FMN1: variants seen among roughly 807,000 people sequenced by gnomAD.
FMN1 encodes formin-1.
A neutral mutation model predicts 132.4 loss-of-function variants in FMN1; 110 were observed. That is an observed-to-expected ratio of 0.83 (90% CI 0.71 to 0.97). FMN1 has a LOEUF of 0.97. Among genes scored for constraint, FMN1 ranks in the 50% least tolerant of loss-of-function variants. The probability of loss-of-function intolerance (pLI) is 0.00; values close to 1 mark genes in which losing one functional copy is unlikely to be tolerated. For missense variants in FMN1, 1,792 were observed against 1,705.3 expected (o/e 1.05, Z -0.90); for synonymous variants, 722 against 651.7 (o/e 1.11, Z -1.64).
In FMN1 at chr15:33,154,548, A is replaced by G; in HGVS notation, c.367T>C (p.Ser123Pro). The stretch of plus-strand genomic sequence containing the variant: ...TCATCCTCGGGGGCCAGGCTCACGG[A>G]CAGCTCTTGCAGCTTCCCCTCCTGG... ...GNQEGKLQEL[S>P]VSLAPEDDCF... The change falls in exon 4 of 21, where the codon TCC (serine) becomes CCC (proline). Residue 123 changes from serine (S) to proline (P), a missense_variant. Around this residue, in one of 3 missense-constraint regions of FMN1, gnomAD observed 638 missense variants for 645.2 expected, o/e 0.99. Transcript: ENST00000616417. 1 of 1,536,076 alleles carries G rather than the reference A, an allele frequency of 6.5e-7. No individual in the cohort carries two copies. Among genetic ancestry groups the G allele is most frequent in the Non-Finnish European group, 8.7e-7 (1 of 1,146,912 alleles).
chr15:33,045,879 C>A (rs1372560280), intron 6 of FMN1, among the ~76,000 whole-genome samples: 4 of 152,122 alleles, frequency 2.6e-5, no homozygotes, highest in African/African-American at 9.7e-5. Context: ...GCCAATATTT[C>A]AAATAAAAAC....
At chr15:33,058,805 T>C (rs1032059240) in intron 6 of FMN1, among the ~76,000 whole-genome samples, 6 of 152,232 alleles carry the variant, frequency 3.9e-5, no homozygotes, top group African/African-American at 1.4e-4. Context: ...ACGGGGTAGA[T>C]GATGCGGTGT....
chr15:33,112,645 C>T (rs1346528510), intron 4 of FMN1, among the ~76,000 whole-genome samples: 1 of 152,038 alleles, frequency 6.6e-6, no homozygotes, highest in Non-Finnish European at 1.5e-5. Flanking sequence ...CATCAACTGA[C>T]TGGCCTATAT....
chr15:33,153,293 G>T lies in FMN1; in HGVS notation c.1622C>A (p.Pro541His). The T allele has an allele frequency of 6.5e-7, 1 of 1,536,220 alleles. No individual in the cohort carries two copies. Among genetic ancestry groups the T allele is most frequent in the Non-Finnish European group, 8.7e-7 (1 of 1,146,920 alleles). The change falls in exon 4 of 21, where the codon CCT becomes CAT. Residue 541 changes from proline (P) to histidine (H), a missense_variant. Physicochemically the swap from Pro to His is moderately conservative, Grantham distance 77 (BLOSUM62 -2). Transcript: ENST00000616417. ...AGCTTCCCTCTCACCAGGCAATGCA[G>T]GGAGCCGGAGGATCCTGTGATGCTG... ...PQQHHRILRL[P>H]ALPGEREAAL...
chr15:33,126,053 G>A (rs1295749722), intron 4 of FMN1, among the ~76,000 whole-genome samples: 2 of 152,268 alleles, frequency 1.3e-5, no homozygotes, highest in African/African-American at 4.8e-5. Flanking sequence ...GTGAAAAACA[G>A]ATAAGGTGGA....
intron 7 of FMN1, among the ~76,000 whole-genome samples, chr15:33,000,318 G>A (rs181534917): frequency 1.3e-3 from 195 of 152,090 alleles, no homozygotes; most frequent in East Asian, 7.6e-3. Context: ...GTGCAGTGGC[G>A]GCCGCCTGTA....
chr15:32,864,519 G>C (rs557004805), intron 16 of FMN1, among the ~76,000 whole-genome samples: 1 of 152,206 alleles, frequency 6.6e-6, no homozygotes, highest in Admixed American at 6.5e-5. Flanking sequence ...CCTTGGTTTG[G>C]GGATTCACCT....
At chr15:32,792,780 G>C (rs74011980) in intron 19 of FMN1, among the ~76,000 whole-genome samples, 33,378 of 152,062 alleles carry the variant, frequency 0.22, 3,964 homozygotes, top group African/African-American at 0.29. Context: ...CCACTGGCAG[G>C]AACTCAGCAG....
At chr15:33,076,663 G>C (rs959267019) in intron 5 of FMN1, among the ~76,000 whole-genome samples, 1 of 152,078 alleles carries the variant, frequency 6.6e-6, no homozygotes, top group Admixed American at 6.6e-5. Context: ...AATTGCATTT[G>C]ACAGATTATT....
At chr15:33,133,781 G>A (rs1414933668) in intron 4 of FMN1, among the ~76,000 whole-genome samples, 1 of 152,122 alleles carries the variant, frequency 6.6e-6, no homozygotes, top group Non-Finnish European at 1.5e-5. Context: ...TTTGCTCAGA[G>A]TTCAGAAAAG....
intron 16 of FMN1, among the ~76,000 whole-genome samples, chr15:32,877,674 C>T (rs1203804779): frequency 6.6e-6 from 1 of 152,196 alleles, no homozygotes; most frequent in Admixed American, 6.5e-5. Context: ...TTCCAGCAAG[C>T]AGTGGGTGAG....
At chr15:33,017,176 G>A (rs1227859086) in intron 6 of FMN1, among the ~76,000 whole-genome samples, 2 of 151,890 alleles carry the variant, frequency 1.3e-5, no homozygotes, top group South Asian at 2.1e-4. Flanking sequence ...TTGGGAGGAG[G>A]GAGGAATCAG....
chr15:32,858,919 C>T (rs1285741909), intron 16 of FMN1, among the ~76,000 whole-genome samples: 1 of 152,180 alleles, frequency 6.6e-6, no homozygotes, highest in East Asian at 1.9e-4. Context: ...CTTCCCACTA[C>T]CATTCTTTTC....
intron 19 of FMN1, among the ~76,000 whole-genome samples, chr15:32,790,959 A>T (rs890418179): frequency 6.6e-6 from 1 of 152,250 alleles, no homozygotes; most frequent in African/African-American, 2.4e-5. Context: ...TAATTCTTTT[A>T]TTAAGGGAGA....
intron 16 of FMN1, among the ~76,000 whole-genome samples, chr15:32,862,284 T>C (rs889689770): frequency 3.9e-5 from 6 of 152,178 alleles, no homozygotes; most frequent in Non-Finnish European, 8.8e-5. Context: ...AGGCGTGGGC[T>C]GTGCCAGGAG....
At chr15:32,786,880 CT>C (rs2056897080) in intron 19 of FMN1, among the ~76,000 whole-genome samples, 2 of 152,172 alleles carry the variant, frequency 1.3e-5, no homozygotes, top group South Asian at 4.1e-4. Context: ...TTGTTCAGGT[CT>C]TTTGATACTA....
intron 17 of FMN1, among the ~76,000 whole-genome samples, chr15:32,812,094 T>C (rs1358783622): frequency 6.6e-6 from 1 of 152,190 alleles, no homozygotes; most frequent in African/African-American, 2.4e-5. Context: ...GGGGCTGTTC[T>C]CAACCAGGGT....
chr15:32,781,033 A>G (rs775242781), intron 19 of FMN1, among the ~76,000 whole-genome samples: 10 of 152,262 alleles, frequency 6.6e-5, no homozygotes, highest in Non-Finnish European at 1.0e-4. Flanking sequence ...TAATATGCCA[A>G]GTAGAATTTC....
intron 17 of FMN1, among the ~76,000 whole-genome samples, chr15:32,835,203 C>T (rs2058594289): frequency 3.3e-5 from 5 of 152,116 alleles, no homozygotes; most frequent in Admixed American, 3.3e-4. Flanking sequence ...CGTGTCAGGC[C>T]TGACCACGTA....
Sources: gnomAD v4.1 joint callset for allele counts (sites outside exome capture counted in the v4.1 genomes callset) on GRCh38, gnomAD v4.1.1 for gene constraint, gnomAD v4.1.1 regional missense constraint, MANE v1.5 for transcripts, NCBI Gene and HGNC (gene_info 2026-07-23, HGNC 2026-07-21) for gene names.